SAMTOR: variants seen among roughly 807,000 people sequenced by gnomAD.
The protein encoded by SAMTOR is UPF0532 protein C7orf60.
At chr7:112,915,979 G>GT in the SAMTOR span, among the ~76,000 whole-genome samples, 1 of 152,148 alleles carries the variant, frequency 6.6e-6, no homozygotes, top group Non-Finnish European at 1.5e-5. Context: ...GGGTTGGTAG[G>GT]TAAGATGACA....
chr7:112,861,065 C>T, the SAMTOR span, among the ~76,000 whole-genome samples: 2 of 152,052 alleles, frequency 1.3e-5, no homozygotes, highest in East Asian at 3.9e-4. Flanking sequence ...TACAGATTTA[C>T]ATTTGCTCAT....
the SAMTOR span, among the ~76,000 whole-genome samples, chr7:112,879,284 G>T: frequency 1.3e-5 from 2 of 151,396 alleles, no homozygotes; most frequent in African/African-American, 4.9e-5. Flanking sequence ...AGCTATAAGA[G>T]TTAATCAAGC....
At chr7:112,886,115 C>T in the SAMTOR span, among the ~76,000 whole-genome samples, 1 of 152,112 alleles carries the variant, frequency 6.6e-6, no homozygotes, top group Admixed American at 6.5e-5. Context: ...CACTTGGTAT[C>T]ATGAGAACAA....
the SAMTOR span, among the ~76,000 whole-genome samples, chr7:112,903,299 C>T: frequency 1.4e-4 from 21 of 146,162 alleles, no homozygotes; most frequent in South Asian, 4.3e-4. Context: ...GTAACAACAG[C>T]GAAACTGTCT....
the SAMTOR span, among the ~76,000 whole-genome samples, chr7:112,897,921 T>C: frequency 1.2e-3 from 177 of 152,304 alleles, no homozygotes; most frequent in African/African-American, 4.1e-3. Context: ...AGGAACTCCA[T>C]AGACAGTCTT....
At chr7:112,926,209 A>G in the SAMTOR span, among the ~76,000 whole-genome samples, 1 of 152,208 alleles carries the variant, frequency 6.6e-6, no homozygotes, top group Non-Finnish European at 1.5e-5. Context: ...CAAAGTGTCT[A>G]TCTACCATGG....
the SAMTOR span, among the ~76,000 whole-genome samples, chr7:112,889,889 G>A: frequency 2.6e-5 from 4 of 152,128 alleles, no homozygotes; most frequent in South Asian, 2.1e-4. Context: ...TGCTAGAGGC[G>A]GCTAACTTGA....
At chr7:112,825,338 T>G in the SAMTOR span, among the ~76,000 whole-genome samples, 2 of 152,196 alleles carry the variant, frequency 1.3e-5, no homozygotes, top group Non-Finnish European at 2.9e-5. Flanking sequence ...AGGTCATCTT[T>G]ACTTTCTCCT....
the SAMTOR span, among the ~76,000 whole-genome samples, chr7:112,842,295 G>T: frequency 2.0e-5 from 3 of 151,918 alleles, no homozygotes; most frequent in Admixed American, 6.6e-5. Context: ...CCTGTTCAGG[G>T]TCTGTCTGCT....
At chr7:112,908,927 A>G in the SAMTOR span, among the ~76,000 whole-genome samples, 1 of 152,150 alleles carries the variant, frequency 6.6e-6, no homozygotes. Context: ...TGACATAATG[A>G]AAAGACCTCA....
chr7:112,896,213 G>A, the SAMTOR span, among the ~76,000 whole-genome samples: 2 of 152,068 alleles, frequency 1.3e-5, no homozygotes, highest in Non-Finnish European at 2.9e-5. Context: ...ACGCGCGTGT[G>A]TGTGTTTGTA....
At chr7:112,918,725 T>C in the SAMTOR span, among the ~76,000 whole-genome samples, 282 of 152,198 alleles carry the variant, frequency 1.9e-3, 4 homozygotes, top group Middle Eastern at 0.01. Flanking sequence ...GAGACACACA[T>C]AGGCTCAAAA....
At chr7:112,839,900 A>ATACT in the SAMTOR span, among the ~76,000 whole-genome samples, 1,643 of 152,038 alleles carry the variant, frequency 0.011, 30 homozygotes, top group African/African-American at 0.037. Flanking sequence ...TCTAGCAATG[A>ATACT]TACTCTAAAG....
the SAMTOR span, among the ~76,000 whole-genome samples, chr7:112,923,638 T>C: frequency 9.9e-5 from 15 of 152,162 alleles, no homozygotes; most frequent in Non-Finnish European, 1.8e-4. Context: ...AGTGTGGTGA[T>C]TCCTCAGGGA....
At chr7:112,868,887 G>C in the SAMTOR span, among the ~76,000 whole-genome samples, 1 of 152,206 alleles carries the variant, frequency 6.6e-6, no homozygotes, top group Admixed American at 6.5e-5. Flanking sequence ...CTTGCAGCCA[G>C]GGACAGCTTT....
chr7:112,857,185 G>A, the SAMTOR span, among the ~76,000 whole-genome samples: 1 of 143,724 alleles, frequency 7.0e-6, no homozygotes, highest in Non-Finnish European at 1.5e-5. Flanking sequence ...TCCGCTTCCC[G>A]GGTTCACGCC....
the SAMTOR span, among the ~76,000 whole-genome samples, chr7:112,851,015 G>A: frequency 6.6e-6 from 1 of 152,070 alleles, no homozygotes; most frequent in African/African-American, 2.4e-5. Flanking sequence ...ATTTAACCAA[G>A]GAGGTGAAAA....
chr7:112,834,381 A>C, the SAMTOR span, among the ~76,000 whole-genome samples: 1 of 146,252 alleles, frequency 6.8e-6, no homozygotes, highest in Non-Finnish European at 1.5e-5. Context: ...GATACACTTT[A>C]CTTTTTTTTT....
chr7:112,852,039 T>A, the SAMTOR span, among the ~76,000 whole-genome samples: 1 of 152,114 alleles, frequency 6.6e-6, no homozygotes, highest in African/African-American at 2.4e-5. Context: ...TGTAAATTAG[T>A]GCCACCTCTA....
Sources: gnomAD v4.1 joint callset for allele counts (sites outside exome capture counted in the v4.1 genomes callset) on GRCh38, gnomAD v4.1.1 for gene constraint, MANE v1.5 for transcripts, NCBI Gene and HGNC (gene_info 2026-07-23, HGNC 2026-07-21) for gene names.